Variants in GLIS3 observed in about 807,000 individuals in gnomAD.
GLIS3 encodes GLIS family zinc finger 3.
GLIS3 carries 53 observed loss-of-function variants against 78.6 expected under a neutral mutation model. The observed-to-expected ratio is 0.67, with a 90% CI of 0.54 to 0.85. The LOEUF (loss-of-function observed/expected upper bound fraction) is 0.85, where lower values mean the gene tolerates loss of function less well. Ranked by LOEUF, GLIS3 falls within the 40% of genes least tolerant of loss-of-function variation. The pLI is 0.00. For synonymous variants in GLIS3, 684 were observed against 509.9 expected, an observed-to-expected ratio of 1.34 and a Z score of -4.60; for missense variants, 1,703 against 1,231.1, an observed-to-expected ratio of 1.38 and a Z score of -5.74.
chr9:3,865,284 G>A lies in GLIS3; in HGVS notation c.2298-9100C>T, dbSNP rs529971684. On this transcript the variant is annotated intron_variant, in intron 8 of 10. Coordinates refer to ENST00000381971, the MANE Select transcript of GLIS3 (RefSeq NM_001042413.2). ...CAATCAACACAGTTCTTCACGTGCAGAAAGATAATCTCTTAGCAGCTAAGT... is the reference window on the plus strand; with the variant it reads ...CAATCAACACAGTTCTTCACGTGCAAAAAGATAATCTCTTAGCAGCTAAGT... Among the ~76,000 whole-genome samples the A allele has an allele frequency of 4.3e-4, 65 of 152,266 alleles. 1 individual carries two copies. Among genetic ancestry groups the A allele is most frequent in the South Asian group, 1.0e-3 (5 of 4,816 alleles).
At chr9:4,088,068 G>C (rs1298931399) in intron 4 of GLIS3, among the ~76,000 whole-genome samples, 1 of 152,180 alleles carries the variant, frequency 6.6e-6, no homozygotes, top group Non-Finnish European at 1.5e-5. Flanking sequence ...CAAGGTGTGA[G>C]GATAGCCATG....
intron 4 of GLIS3, among the ~76,000 whole-genome samples, chr9:4,059,511 A>G (rs1203386352): frequency 3.9e-5 from 6 of 152,178 alleles, no homozygotes; most frequent in African/African-American, 1.2e-4. Context: ...CAAATACCTT[A>G]GAGAGAAGTA....
intron 2 of GLIS3, among the ~76,000 whole-genome samples, chr9:4,248,933 G>C (rs1414264684): frequency 6.6e-6 from 1 of 151,818 alleles, no homozygotes; most frequent in Non-Finnish European, 1.5e-5. Flanking sequence ...TAGAAGGGGT[G>C]GTTATAGATC....
rs1563806220 is a variant in GLIS3 at position 3,879,530 on chromosome 9, G to T, written c.2194C>A (p.His732Asn). Residue 732 changes from histidine (H) to asparagine (N), a missense_variant, in exon 8 of 11, where the codon CAT becomes AAT. Coordinates refer to ENST00000381971, the MANE Select transcript of GLIS3 (RefSeq NM_001042413.2). Reference protein sequence around the residue: ...GTAAGAVPPPHPVSHPSPGHN... With the variant: ...GTAAGAVPPPNPVSHPSPGHN... Reference sequence around the variant, plus strand: ...CCTGGAGAAGGGTGACTGACAGGATGTGGGGGTGGTACGGCCCCAGCAGCT... The same window carrying T: ...CCTGGAGAAGGGTGACTGACAGGATTTGGGGGTGGTACGGCCCCAGCAGCT... The T allele has an allele frequency of 6.2e-7, 1 of 1,614,166 alleles. No individual in the cohort carries two copies. Among genetic ancestry groups the T allele is most frequent in the Admixed American group, 1.7e-5 (1 of 60,028 alleles).
chr9:4,038,855 A>G (rs1391026200), intron 4 of GLIS3, among the ~76,000 whole-genome samples: 1 of 152,168 alleles, frequency 6.6e-6, no homozygotes, highest in Non-Finnish European at 1.5e-5. Flanking sequence ...CTGTAGAAAC[A>G]TCATGAAGAT....
intron 2 of GLIS3, among the ~76,000 whole-genome samples, chr9:4,340,045 T>C (rs1467354463): frequency 2.0e-5 from 3 of 151,746 alleles, no homozygotes; most frequent in Admixed American, 6.6e-5. Context: ...CAAGCGGCTT[T>C]GCTTCTTGCT....
At chr9:4,238,285 C>A (rs563737826) in intron 2 of GLIS3, among the ~76,000 whole-genome samples, 4 of 152,274 alleles carry the variant, frequency 2.6e-5, no homozygotes, top group African/African-American at 9.6e-5. Flanking sequence ...AATCCTCCCC[C>A]ACCCCTAAGC....
chr9:4,210,776 C>T (rs1007672415), intron 2 of GLIS3, among the ~76,000 whole-genome samples: 1 of 152,246 alleles, frequency 6.6e-6, no homozygotes, highest in Non-Finnish European at 1.5e-5. Flanking sequence ...CCTGCTAGAG[C>T]CAGTCTCCTT....
At chr9:4,341,848 C>T (rs544537591) in intron 2 of GLIS3, among the ~76,000 whole-genome samples, 1 of 152,150 alleles carries the variant, frequency 6.6e-6, no homozygotes, top group African/African-American at 2.4e-5. Context: ...CTGATTAAAT[C>T]TCATAACAGT....
intron 5 of GLIS3, 95 bp from the exon 6 acceptor site, chr9:3,932,565 C>G (rs1825685221): frequency 1.1e-6 from 1 of 894,174 alleles, no homozygotes; most frequent in Non-Finnish European, 1.9e-6. Context: ...AGAGCATGAA[C>G]TGTTACCAAT....
At chr9:4,432,491 G>T in the GLIS3 span, among the ~76,000 whole-genome samples, 6 of 152,018 alleles carry the variant, frequency 3.9e-5, no homozygotes, top group African/African-American at 1.4e-4. Flanking sequence ...AAGGTAAGAA[G>T]GCCTCAAACA....
chr9:3,937,184 T>A lies in GLIS3; in HGVS notation c.1716A>T (p.Glu572Asp). The A allele has an allele frequency of 6.2e-7, 1 of 1,614,142 alleles. No homozygotes were observed. Among genetic ancestry groups the A allele is most frequent in the Non-Finnish European group, 8.5e-7 (1 of 1,180,016 alleles). ...GCCTTGAAAAGGCCTTCTCGCAACC[T>A]TCAAACTGCAAAAAGAAAACAATTT... is the stretch of plus-strand genomic sequence containing the variant. ...SGEKPNKCTF[E>D]GCEKAFSRLE... Residue 572 changes from glutamate to aspartate, a missense_variant, in exon 5 of 11, where the codon GAA becomes GAT. Physicochemically the swap from Glu to Asp is conservative, Grantham distance 45. Transcript: ENST00000381971.
the GLIS3 span, among the ~76,000 whole-genome samples, chr9:4,465,765 A>C: frequency 6.6e-6 from 1 of 152,192 alleles, no homozygotes; most frequent in South Asian, 2.1e-4. Flanking sequence ...AAATTTTCAA[A>C]AAAAATTATA....
intron 4 of GLIS3, among the ~76,000 whole-genome samples, chr9:3,966,425 T>C (rs1371175308): frequency 6.8e-6 from 1 of 148,058 alleles, no homozygotes; most frequent in Non-Finnish European, 1.5e-5. Flanking sequence ...TTGACTTCAA[T>C]GATGCAAAGC....
At chr9:4,328,933 C>T (rs1817642579) in intron 2 of GLIS3, among the ~76,000 whole-genome samples, 1 of 152,172 alleles carries the variant, frequency 6.6e-6, no homozygotes, top group Non-Finnish European at 1.5e-5. Flanking sequence ...GAGTGCAGTT[C>T]CCTAATAGTT....
intron 1 of GLIS3, among the ~76,000 whole-genome samples, chr9:4,298,949 G>A (rs1816864498): frequency 6.6e-6 from 1 of 152,158 alleles, no homozygotes; most frequent in Non-Finnish European, 1.5e-5. Flanking sequence ...CCCCGCGTGT[G>A]CGCGAGAGAC....
chr9:4,373,576 G>T, the GLIS3 span, among the ~76,000 whole-genome samples: 2 of 152,094 alleles, frequency 1.3e-5, no homozygotes, highest in South Asian at 4.2e-4. Context: ...CAAACTCCCT[G>T]GCCAAGTTAT....
chr9:3,878,589 C>T (rs1012211889), intron 8 of GLIS3: 3 of 152,148 alleles, frequency 2.0e-5, no homozygotes, highest in African/African-American at 7.2e-5. Flanking sequence ...TTATTTTGTT[C>T]AACAATTGCC....
chr9:3,907,625 GACA>G (rs1823810269), intron 6 of GLIS3, among the ~76,000 whole-genome samples: 4 of 102,260 alleles, frequency 3.9e-5, no homozygotes, highest in South Asian at 7.8e-4. Context: ...CACACACACA[GACA>G]CACACACACA....
Sources: gnomAD v4.1 joint callset for allele counts (sites outside exome capture counted in the v4.1 genomes callset) on GRCh38, gnomAD v4.1.1 for gene constraint, MANE v1.5 for transcripts, NCBI Gene and HGNC (gene_info 2026-07-23, HGNC 2026-07-21) for gene names.